The following KPNA5 variants were observed in gnomAD, a reference collection of about 807,000 sequenced individuals.
KPNA5 encodes the protein karyopherin subunit alpha 5, also known as importin subunit alpha-6.
Under a neutral mutation model 71.3 loss-of-function variants are expected in KPNA5, and 46 were observed. That is an observed-to-expected ratio of 0.65 (90% CI 0.51 to 0.83). KPNA5 has a LOEUF of 0.83. Among genes scored for constraint, KPNA5 ranks in the 40% least tolerant of loss-of-function variants. KPNA5 has a pLI of 0.00. For synonymous variants in KPNA5, 207 were observed against 201.4 expected (o/e 1.03, Z -0.24); for missense variants, 547 against 628.3 (o/e 0.87, Z 1.38).
intron 1 of KPNA5, among the ~76,000 whole-genome samples, chr6:116,684,803 CATGT>C (rs554786798): frequency 6.6e-6 from 1 of 152,246 alleles, no homozygotes; most frequent in East Asian, 1.9e-4. Context: ...ACACATTTAC[CATGT>C]TTAAAACCAG....
At chr6:116,707,963 C>T (rs1778510918) in intron 7 of KPNA5, among the ~76,000 whole-genome samples, 1 of 152,192 alleles carries the variant, frequency 6.6e-6, no homozygotes, top group Non-Finnish European at 1.5e-5. Context: ...AATCTGTTTT[C>T]TCTCTCTATG....
chr6:116,706,516 C>CTGAA (rs1377893255), intron 7 of KPNA5, among the ~76,000 whole-genome samples: 28 of 152,086 alleles, frequency 1.8e-4, no homozygotes, highest in African/African-American at 6.7e-4. Context: ...ATGGAGAAAC[C>CTGAA]CCGTCTCTAC....
At chr6:116,722,959 AAGGAGTTGGGGGTCCC>A (rs1186414651) in intron 9 of KPNA5, among the ~76,000 whole-genome samples, 1 of 152,190 alleles carries the variant, frequency 6.6e-6, no homozygotes, top group African/African-American at 2.4e-5. Context: ...TAGGTCTGAT[AAGGAGTTGGGGGTCCC>A]AGCATGAGGA....
Position 116,740,924 on chromosome 6 carries a change from A to G in KPNA5, c.*8601A>G, listed in dbSNP as rs901292076. On this transcript the variant is annotated 3_prime_UTR_variant, in exon 14 of 14. Coordinates refer to ENST00000368564, the MANE Select transcript of KPNA5 (RefSeq NM_001366306.2). ...ACGAGTTAATGGGTGCAGCACACCA[A>G]CATGGCACATGTATACATATGTAAC... 8.5e-5 allele frequency: 13 copies of G among 152,054 alleles called. No homozygotes were observed. The highest frequency in any genetic ancestry group is 5.9e-4 in the Admixed American group (9 of 15,256). 9.4% of individuals were successfully genotyped at this position (152,054 alleles called of 1,614,324 possible).
chr6:116,710,070 T>C (rs756951505), intron 7 of KPNA5, among the ~76,000 whole-genome samples: 3 of 152,210 alleles, frequency 2.0e-5, no homozygotes, highest in Non-Finnish European at 4.4e-5. Context: ...GTTTAGTGTT[T>C]TTATCATAAA....
chr6:116,708,211 T>G (rs996363648), intron 7 of KPNA5, among the ~76,000 whole-genome samples: 1 of 152,238 alleles, frequency 6.6e-6, no homozygotes, highest in Non-Finnish European at 1.5e-5. Context: ...CCTATGAACA[T>G]TCATGTACAA....
At chr6:116,715,534 A>G (rs1179958551) in intron 7 of KPNA5, among the ~76,000 whole-genome samples, 1 of 152,184 alleles carries the variant, frequency 6.6e-6, no homozygotes, top group African/African-American at 2.4e-5. Flanking sequence ...AAAACACAAC[A>G]AAAGAACTTC....
At chr6:116,699,504 TG>T (rs1778153510) in intron 5 of KPNA5, among the ~76,000 whole-genome samples, 1 of 152,226 alleles carries the variant, frequency 6.6e-6, no homozygotes, top group African/African-American at 2.4e-5. Context: ...GACTGTTACT[TG>T]TTACGTGTTG....
chr6:116,682,255 G>T (rs1777391253), intron 1 of KPNA5, among the ~76,000 whole-genome samples: 1 of 152,180 alleles, frequency 6.6e-6, no homozygotes, highest in Non-Finnish European at 1.5e-5. Flanking sequence ...TGTGAACCCG[G>T]GCGGCGGAGC....
At chr6:116,732,090 A>ATG (rs1388787504) in intron 13 of KPNA5, 46 bp from the exon 14 acceptor site, 3 of 62,374 alleles carry the variant, frequency 4.8e-5, no homozygotes, top group Non-Finnish European at 9.1e-5. Context: ...ATATATATAT[A>ATG]TATATATATA....
At position 116,692,052 on chromosome 6, in the gene KPNA5, C is replaced by A; in HGVS notation, c.139-3C>A. ...TGTGTAAACTGATTTCTCTTTATTA[C>A]AGTTGTTCAAACGCAGAAATGTCTA... On this transcript the variant is annotated splice_polypyrimidine_tract_variant and splice_region_variant and intron_variant, in intron 2 of 13. Transcript: ENST00000368564. The A allele has an allele frequency of 6.3e-7, 1 of 1,587,464 alleles. No individual in the cohort carries two copies.
chr6:116,723,562 AG>A (rs1779192860), intron 9 of KPNA5, among the ~76,000 whole-genome samples: 2 of 152,216 alleles, frequency 1.3e-5, no homozygotes, highest in Admixed American at 1.3e-4. Context: ...GCCTATTTGA[AG>A]GGGTTCTCAC....
chr6:116,688,733 A>G (rs1361530364), intron 1 of KPNA5, among the ~76,000 whole-genome samples: 1 of 152,180 alleles, frequency 6.6e-6, no homozygotes, highest in Non-Finnish European at 1.5e-5. Context: ...CAAAAGAACT[A>G]ATTATACTGG....
chr6:116,729,217 C>T (rs1583448512), intron 12 of KPNA5, among the ~76,000 whole-genome samples: 3 of 102,922 alleles, frequency 2.9e-5, no homozygotes, highest in Non-Finnish European at 1.9e-5. Context: ...GTAGGCTTGC[C>T]TTTAAAAAAA....
chr6:116,698,628 C>A, intron 4 of KPNA5, 76 bp from the exon 5 acceptor site: 1 of 765,890 alleles, frequency 1.3e-6, no homozygotes, highest in Non-Finnish European at 2.1e-6. Flanking sequence ...TTTTATGTGC[C>A]CTGTTAATGG....
intron 5 of KPNA5, among the ~76,000 whole-genome samples, chr6:116,699,777 A>G (rs1217024426): frequency 6.6e-6 from 1 of 152,178 alleles, no homozygotes; most frequent in African/African-American, 2.4e-5. Flanking sequence ...CTTGATACCT[A>G]TTATTTGGCT....
At chr6:116,701,973 C>T in intron 5 of KPNA5, 46 bp from the exon 6 acceptor site, 1 of 1,576,910 alleles carries the variant, frequency 6.3e-7, no homozygotes, top group South Asian at 1.2e-5. Flanking sequence ...GCCTTTCTGA[C>T]AATTCTTTGG....
At chr6:116,718,261 T>C (rs1022412880) in intron 8 of KPNA5, among the ~76,000 whole-genome samples, 1 of 151,188 alleles carries the variant, frequency 6.6e-6, no homozygotes, top group African/African-American at 2.4e-5. Flanking sequence ...TTTAATTTTT[T>C]TTTTCTTTTT....
chr6:116,723,714 C>A (rs935629093), intron 9 of KPNA5, among the ~76,000 whole-genome samples: 1 of 152,010 alleles, frequency 6.6e-6, no homozygotes, highest in African/African-American at 2.4e-5. Flanking sequence ...GGTAATAATA[C>A]TAATAATTAC....
Sources: gnomAD v4.1 joint callset for allele counts (sites outside exome capture counted in the v4.1 genomes callset) on GRCh38, gnomAD v4.1.1 for gene constraint, MANE v1.5 for transcripts, NCBI Gene and HGNC (gene_info 2026-07-23, HGNC 2026-07-21) for gene names.